The following ERC1 variants were observed in gnomAD, a reference collection of about 807,000 sequenced individuals.
ERC1 encodes RAB6 interacting protein 2.
In ERC1, 56 loss-of-function variants were observed where a neutral mutation model predicts 132.0. The ratio of observed to expected loss-of-function variants is 0.42; its 90% CI spans 0.34 to 0.53. The LOEUF is 0.53. Among genes scored for constraint, ERC1 ranks in the 20% least tolerant of loss-of-function variants. The probability of loss-of-function intolerance (pLI) is 0.03; values close to 1 mark genes in which losing one functional copy is unlikely to be tolerated. For synonymous variants in ERC1, 478 were observed against 476.1 expected (o/e 1.00, Z -0.05); for missense variants, 1,202 against 1,349.9 (o/e 0.89, Z 1.72).
rs978459019 is a variant in ERC1 at position 1,295,940 on chromosome 12, C to T, written c.2780+5928C>T. On this transcript the variant is annotated intron_variant, in intron 15 of 18. Coordinates refer to ENST00000360905, the MANE Select transcript of ERC1 (RefSeq NM_178040.4). Reference sequence around the variant, plus strand: ...TACCAGACATGCAAAGAATCAGGAACATATGATCTATAGAGCAGAAAAGAG... The same window carrying T: ...TACCAGACATGCAAAGAATCAGGAATATATGATCTATAGAGCAGAAAAGAG... 6.9e-5 allele frequency among the ~76,000 whole-genome samples: 10 copies of T among 144,712 alleles called. No individual in the cohort carries two copies. The East Asian group carries it at 2.1e-3, about 30-fold the overall frequency. The allele number at this position is 144,712 out of a possible 152,430, so 94.9% of individuals were successfully genotyped here. A position where few individuals can be genotyped will look rare whatever the true frequency, so the allele number is the denominator to read the frequency against.
chr12:1,418,142 T>G (rs1034548156), intron 17 of ERC1, among the ~76,000 whole-genome samples: 2 of 152,162 alleles, frequency 1.3e-5, no homozygotes, highest in Non-Finnish European at 2.9e-5. Flanking sequence ...GCTAGAAGGA[T>G]TTTTTAAAGA....
intron 15 of ERC1, among the ~76,000 whole-genome samples, chr12:1,313,558 A>G (rs571237455): frequency 6.6e-5 from 10 of 152,232 alleles, no homozygotes; most frequent in Non-Finnish European, 1.0e-4. Context: ...CCAACCACCA[A>G]AAAGAGGCTA....
In ERC1 at chr12:1,471,473, T is replaced by C. The variant is rs567975687; in HGVS notation, c.3214-18620T>C. On this transcript the variant is annotated intron_variant, in intron 18 of 18. Transcript: ENST00000360905. ...TGACATCTGCGAATACAAAATATAA[T>C]CATCAGAAAGCAAACATTTGTTCTG... 2.0e-5 allele frequency among the ~76,000 whole-genome samples: 3 copies of C among 152,338 alleles called. No homozygotes were observed. The South Asian group carries it at 6.2e-4, about 32-fold the overall frequency.
intron 13 of ERC1, among the ~76,000 whole-genome samples, chr12:1,247,464 A>C (rs1447363098): frequency 1.3e-5 from 2 of 152,214 alleles, no homozygotes; most frequent in Non-Finnish European, 2.9e-5. Context: ...TATGTTCATA[A>C]TTAATTCAGA....
chr12:1,274,750 C>T (rs77266761), intron 14 of ERC1, among the ~76,000 whole-genome samples: 1,661 of 152,200 alleles, frequency 0.011, 10 homozygotes, highest in Non-Finnish European at 0.017. Context: ...CTTGACCTCC[C>T]AAGGTGCTAG....
chr12:1,252,095 G>C (rs2154315920), intron 13 of ERC1, among the ~76,000 whole-genome samples: 1 of 152,182 alleles, frequency 6.6e-6, no homozygotes, highest in South Asian at 2.1e-4. Flanking sequence ...TGGGTAATTA[G>C]GGTACTCATC....
At chr12:1,228,127 T>C (rs911289086) in intron 12 of ERC1, among the ~76,000 whole-genome samples, 8 of 152,236 alleles carry the variant, frequency 5.3e-5, no homozygotes, top group African/African-American at 1.9e-4. Context: ...TCACGGTCTT[T>C]TATGGTTCCA....
intron 1 of ERC1, among the ~76,000 whole-genome samples, chr12:1,019,962 C>G (rs1232451347): frequency 6.6e-6 from 1 of 151,446 alleles, no homozygotes; most frequent in Non-Finnish European, 1.5e-5. Flanking sequence ...GCCGTGTTGT[C>G]CAGGCTGGTC....
chr12:1,264,607 T>C (rs1033774183), intron 14 of ERC1, among the ~76,000 whole-genome samples: 2 of 151,548 alleles, frequency 1.3e-5, no homozygotes, highest in Non-Finnish European at 2.9e-5. Flanking sequence ...GAGCTTGCAG[T>C]GAGCCGAGAT....
At chr12:1,110,149 T>G in intron 4 of ERC1, 43 bp from the exon 5 acceptor site, 2 of 1,517,024 alleles carry the variant, frequency 1.3e-6, no homozygotes, top group Non-Finnish European at 1.8e-6. Flanking sequence ...CTTTTCTGGG[T>G]TTTTGTGAAT....
At chr12:1,364,188 G>GT (rs1191466820) in intron 15 of ERC1, among the ~76,000 whole-genome samples, 1 of 152,112 alleles carries the variant, frequency 6.6e-6, no homozygotes, top group East Asian at 1.9e-4. Flanking sequence ...AGACAGCAGC[G>GT]TTTTATTCTT....
intron 2 of ERC1, among the ~76,000 whole-genome samples, chr12:1,035,024 A>T (rs1968797247): frequency 6.6e-6 from 1 of 152,214 alleles, no homozygotes; most frequent in Admixed American, 6.5e-5. Context: ...TTACTACACA[A>T]TCCTAAAATT....
intron 8 of ERC1, among the ~76,000 whole-genome samples, chr12:1,163,149 A>G (rs1457995431): frequency 6.6e-6 from 1 of 152,188 alleles, no homozygotes; most frequent in Admixed American, 6.5e-5. Flanking sequence ...TTTAACTTGC[A>G]AAGTATTATT....
intron 8 of ERC1, among the ~76,000 whole-genome samples, chr12:1,179,211 C>T (rs577543199): frequency 2.2e-4 from 34 of 152,274 alleles, no homozygotes; most frequent in African/African-American, 8.2e-4. Context: ...TGAACTGATA[C>T]AAACTCTAAT....
chr12:1,261,332 C>T (rs956258348), intron 13 of ERC1, among the ~76,000 whole-genome samples: 3 of 152,054 alleles, frequency 2.0e-5, no homozygotes, highest in South Asian at 2.1e-4. Flanking sequence ...TAATGAGAAA[C>T]GTTATCAACT....
In ERC1 at chr12:1,241,847, C is replaced by CTTTT. The variant is rs57016547; in HGVS notation, c.2487+4967_2487+4970dup. ...CCAATTTTTTGCATTTCTTCTTCTTCTTTTTTTTTTTTTTTTTTTTTTTTT... is the reference window on the plus strand; with the variant it reads ...CCAATTTTTTGCATTTCTTCTTCTTCTTTTTTTTTTTTTTTTTTTTTTTTTTTTT... On this transcript the variant is annotated intron_variant, in intron 13 of 18. Coordinates refer to ENST00000360905, the MANE Select transcript of ERC1 (RefSeq NM_178040.4). Among the ~76,000 whole-genome samples the CTTTT allele has an allele frequency of 3.3e-3, 263 of 80,526 alleles. 6 individuals carry two copies. Among genetic ancestry groups the CTTTT allele is most frequent in the Middle Eastern group, 8.6e-3 (1 of 116 alleles). The allele number at this position is 80,526 out of a possible 152,430, so 52.8% of individuals were successfully genotyped here. A position where few individuals can be genotyped will look rare whatever the true frequency, so the allele number is the denominator to read the frequency against.
At chr12:1,420,533 A>C (rs1008264200) in intron 17 of ERC1, among the ~76,000 whole-genome samples, 5 of 152,038 alleles carry the variant, frequency 3.3e-5, no homozygotes, top group African/African-American at 1.2e-4. Context: ...TCGGCTCGCT[A>C]CAAGCTCTGC....
intron 8 of ERC1, among the ~76,000 whole-genome samples, chr12:1,167,492 C>T (rs1952540438): frequency 6.6e-6 from 1 of 152,126 alleles, no homozygotes; most frequent in African/African-American, 2.4e-5. Flanking sequence ...CTTCCTTTTT[C>T]CTGCTACACC....
At chr12:1,456,366 A>C (rs2154418694) in intron 18 of ERC1, among the ~76,000 whole-genome samples, 1 of 152,190 alleles carries the variant, frequency 6.6e-6, no homozygotes, top group East Asian at 1.9e-4. Context: ...AGGCTTAAGT[A>C]TTTGGTTTCT....
Sources: gnomAD v4.1 joint callset for allele counts (sites outside exome capture counted in the v4.1 genomes callset) on GRCh38, gnomAD v4.1.1 for gene constraint, MANE v1.5 for transcripts, NCBI Gene and HGNC (gene_info 2026-07-23, HGNC 2026-07-21) for gene names.